Variants in SLC24A2 observed in about 807,000 individuals in gnomAD.
SLC24A2 encodes solute carrier family 24 member 2.
SLC24A2 carries 36 observed loss-of-function variants against 62.0 expected under a neutral mutation model. The observed-to-expected ratio is 0.58, with a 90% CI of 0.44 to 0.77. SLC24A2 has a LOEUF of 0.77. Among genes scored for constraint, SLC24A2 ranks in the 30% least tolerant of loss-of-function variants. The probability of loss-of-function intolerance (pLI) is 0.00; values close to 1 mark genes in which losing one functional copy is unlikely to be tolerated. For missense variants in SLC24A2, 846 were observed against 817.9 expected (o/e 1.03, Z -0.42); for synonymous variants, 358 against 294.0 (o/e 1.22, Z -2.23).
chr9:20,000,425 G>A, the SLC24A2 span, among the ~76,000 whole-genome samples: 1 of 152,128 alleles, frequency 6.6e-6, no homozygotes, highest in Non-Finnish European at 1.5e-5. Context: ...ACCTTCAACT[G>A]GAGTTTCAGA....
chr9:20,251,182 T>C, the SLC24A2 span, among the ~76,000 whole-genome samples: 1 of 152,212 alleles, frequency 6.6e-6, no homozygotes, highest in Non-Finnish European at 1.5e-5. Context: ...TACATTTGTC[T>C]CTGAGAATTT....
chr9:20,265,200 T>A, the SLC24A2 span, among the ~76,000 whole-genome samples: 1 of 152,176 alleles, frequency 6.6e-6, no homozygotes, highest in African/African-American at 2.4e-5. Flanking sequence ...ATGGCTTCTG[T>A]CAGAGCAGCC....
chr9:19,696,190 G>T (rs188653448), intron 2 of SLC24A2, among the ~76,000 whole-genome samples: 3 of 152,112 alleles, frequency 2.0e-5, no homozygotes, highest in Admixed American at 6.5e-5. Context: ...GATGATCTGA[G>T]GTGGAACAGT....
At chr9:20,090,268 G>C in the SLC24A2 span, among the ~76,000 whole-genome samples, 1 of 152,136 alleles carries the variant, frequency 6.6e-6, no homozygotes, top group Non-Finnish European at 1.5e-5. Flanking sequence ...GCCCCCAGGA[G>C]ACAAGAAAAA....
the SLC24A2 span, among the ~76,000 whole-genome samples, chr9:20,278,098 AG>A: frequency 1.1e-3 from 166 of 147,586 alleles, 2 homozygotes; most frequent in East Asian, 0.032. Context: ...GGGTTGGGGG[AG>A]GGGGAGGGAT....
At chr9:20,153,997 T>C in the SLC24A2 span, among the ~76,000 whole-genome samples, 573 of 152,014 alleles carry the variant, frequency 3.8e-3, 5 homozygotes, top group African/African-American at 0.013. Context: ...GCATAAATTG[T>C]GCAACTGTAT....
chr9:19,737,450 C>A (rs965019418), intron 2 of SLC24A2, among the ~76,000 whole-genome samples: 3 of 152,184 alleles, frequency 2.0e-5, no homozygotes, highest in Non-Finnish European at 2.9e-5. Context: ...GCATGAATAA[C>A]CCACCACTAT....
chr9:20,073,850 G>A, the SLC24A2 span, among the ~76,000 whole-genome samples: 1 of 144,828 alleles, frequency 6.9e-6, no homozygotes, highest in South Asian at 2.2e-4. Flanking sequence ...ATATATGTGT[G>A]TATATTTGTG....
intron 2 of SLC24A2, among the ~76,000 whole-genome samples, chr9:19,646,543 C>G (rs926293151): frequency 6.6e-6 from 1 of 152,204 alleles, no homozygotes. Flanking sequence ...AGGGACGGAT[C>G]TGTGTGCAGG....
chr9:19,577,065 G>C, intron 5 of SLC24A2, 43 bp from the exon 6 acceptor site: 2 of 1,525,152 alleles, frequency 1.3e-6, no homozygotes, highest in South Asian at 1.1e-5. Flanking sequence ...CAATGAGAAA[G>C]AAGAGAGTCT....
the SLC24A2 span, among the ~76,000 whole-genome samples, chr9:20,035,854 C>T: frequency 6.6e-6 from 1 of 152,180 alleles, no homozygotes; most frequent in African/African-American, 2.4e-5. Context: ...AATTTCATGT[C>T]AAAACCACTG....
At chr9:20,070,464 G>C in the SLC24A2 span, among the ~76,000 whole-genome samples, 1 of 152,174 alleles carries the variant, frequency 6.6e-6, no homozygotes, top group Admixed American at 6.5e-5. Flanking sequence ...TTTTCAGGGA[G>C]CCATCATTGT....
chr9:20,108,432 A>T, the SLC24A2 span, among the ~76,000 whole-genome samples: 2 of 152,184 alleles, frequency 1.3e-5, no homozygotes, highest in African/African-American at 4.8e-5. Context: ...ACAATAGCAA[A>T]GACTTGGAAC....
chr9:19,954,218 T>C, the SLC24A2 span, among the ~76,000 whole-genome samples: 1 of 152,144 alleles, frequency 6.6e-6, no homozygotes, highest in Non-Finnish European at 1.5e-5. Flanking sequence ...TTATGGATCC[T>C]TGTATTCCCT....
the SLC24A2 span, among the ~76,000 whole-genome samples, chr9:20,166,265 C>T: frequency 6.6e-6 from 1 of 151,914 alleles, no homozygotes; most frequent in Admixed American, 6.6e-5. Context: ...ATAAATCTAT[C>T]TTGAAATTAA....
chr9:20,240,596 A>T, the SLC24A2 span, among the ~76,000 whole-genome samples: 1 of 152,152 alleles, frequency 6.6e-6, no homozygotes, highest in African/African-American at 2.4e-5. Flanking sequence ...TGGGAGTAGA[A>T]CTTTTTTGAA....
At chr9:19,991,025 C>CAT in the SLC24A2 span, among the ~76,000 whole-genome samples, 1 of 99,988 alleles carries the variant, frequency 1.0e-5, no homozygotes, top group South Asian at 3.1e-4. Context: ...TACACACACA[C>CAT]ATATATACAC....
intron 2 of SLC24A2, among the ~76,000 whole-genome samples, chr9:19,737,767 T>C (rs2118749753): frequency 6.6e-6 from 1 of 152,140 alleles, no homozygotes; most frequent in Non-Finnish European, 1.5e-5. Context: ...TTTAAATCAA[T>C]ATTAAGAAAA....
chr9:19,874,622 T>A, the SLC24A2 span, among the ~76,000 whole-genome samples: 1 of 152,218 alleles, frequency 6.6e-6, no homozygotes, highest in Non-Finnish European at 1.5e-5. Context: ...TAGAAAGGTC[T>A]GTGGCATCCA....
Sources: allele counts gnomAD v4.1 joint callset (sites outside exome capture counted in the v4.1 genomes callset), GRCh38; gene constraint gnomAD v4.1.1; transcripts MANE v1.5; gene names NCBI Gene and HGNC (gene_info 2026-07-23, HGNC 2026-07-21).